The following PLXNA4 variants were observed in gnomAD, a reference collection of about 807,000 sequenced individuals.
PLXNA4 encodes plexin-A4.
In PLXNA4, 44 loss-of-function variants were observed where a neutral mutation model predicts 191.8. That is an observed-to-expected ratio of 0.23 (90% CI 0.18 to 0.29). The LOEUF (loss-of-function observed/expected upper bound fraction) is 0.29, where lower values mean the gene tolerates loss of function less well. Ranked by LOEUF, PLXNA4 falls within the 10% of genes least tolerant of loss-of-function variation. PLXNA4 has a pLI of 1.00. For missense variants in PLXNA4, 1,800 were observed against 2,488.8 expected, an observed-to-expected ratio of 0.72 and a Z score of 5.89; for synonymous variants, 1,082 against 1,009.5, an observed-to-expected ratio of 1.07 and a Z score of -1.36.
At chr7:132,626,930 T>C (rs1020881764) in intron 2 of PLXNA4, among the ~76,000 whole-genome samples, 5 of 152,150 alleles carry the variant, frequency 3.3e-5, no homozygotes, top group African/African-American at 1.2e-4. Flanking sequence ...CTTTCACAGA[T>C]GTTGATCCCA....
chr7:132,206,036 A>G (rs1188820204), intron 10 of PLXNA4, among the ~76,000 whole-genome samples: 1 of 76,626 alleles, frequency 1.3e-5, no homozygotes, highest in East Asian at 4.2e-4. Context: ...CTGTATGTCC[A>G]TAAGTGCACA....
intron 3 of PLXNA4, among the ~76,000 whole-genome samples, chr7:132,413,575 A>G (rs1437850704): frequency 6.6e-6 from 1 of 152,194 alleles, no homozygotes; most frequent in Non-Finnish European, 1.5e-5. Flanking sequence ...GCAAAACACA[A>G]TGGAAAACAC....
At chr7:132,187,694 C>A in intron 14 of PLXNA4, 87 bp from the exon 15 acceptor site, 1 of 1,481,074 alleles carries the variant, frequency 6.8e-7, no homozygotes, top group Non-Finnish European at 8.9e-7. Context: ...CCCACTCCCC[C>A]AAGCTGCCTT....
intron 1 of PLXNA4, among the ~76,000 whole-genome samples, chr7:132,534,451 C>T (rs767016158): frequency 3.3e-5 from 5 of 152,152 alleles, no homozygotes; most frequent in East Asian, 1.9e-4. Flanking sequence ...CCTACCCTGG[C>T]GTCCACATAT....
At chr7:132,365,930 T>A (rs532085765) in intron 3 of PLXNA4, 4 of 152,094 alleles carry the variant, frequency 2.6e-5, no homozygotes, top group African/African-American at 9.7e-5. Flanking sequence ...TCAGGGAGCT[T>A]GGGGACTCCT....
At chr7:132,359,359 C>T (rs565014535) in intron 3 of PLXNA4, among the ~76,000 whole-genome samples, 4 of 151,900 alleles carry the variant, frequency 2.6e-5, no homozygotes, top group South Asian at 4.2e-4. Flanking sequence ...GAGCTGGAAC[C>T]ACAGGTGCAT....
chr7:132,601,228 C>T (rs529827124), intron 2 of PLXNA4, among the ~76,000 whole-genome samples: 3 of 151,806 alleles, frequency 2.0e-5, no homozygotes, highest in Admixed American at 6.6e-5. Flanking sequence ...TAAAAAAATA[C>T]ATATCTATTT....
At chr7:132,553,123 C>T (rs554095351) in intron 1 of PLXNA4, among the ~76,000 whole-genome samples, 2 of 152,318 alleles carry the variant, frequency 1.3e-5, no homozygotes, top group African/African-American at 4.8e-5. Flanking sequence ...ATGCCTAGCT[C>T]TGGCACGGCA....
At chr7:132,642,159 T>C (rs1803756901) in intron 2 of PLXNA4, among the ~76,000 whole-genome samples, 2 of 152,298 alleles carry the variant, frequency 1.3e-5, no homozygotes, top group South Asian at 4.1e-4. Context: ...TGTTCTAATT[T>C]CTTTCTTTAA....
Position 132,472,468 on chromosome 7 carries a change from C to G in PLXNA4, c.1371+16824G>C, listed in dbSNP as rs151088356. 4.7e-4 allele frequency among the ~76,000 whole-genome samples: 72 copies of G among 152,310 alleles called. 1 individual carries two copies. In the East Asian group the frequency reaches 0.012, roughly 24 times the overall value. ...ATCTTTAGAACAAGGAAACTGGGAGCTGAAAAGAGAGAGGTAAGAATTTCA... is the reference window on the plus strand; with the variant it reads ...ATCTTTAGAACAAGGAAACTGGGAGGTGAAAAGAGAGAGGTAAGAATTTCA... On this transcript the variant is annotated intron_variant, in intron 3 of 31. Coordinates refer to ENST00000321063, the MANE Select transcript of PLXNA4 (RefSeq NM_020911.2).
chr7:132,446,604 C>T (rs1795920789), intron 3 of PLXNA4, among the ~76,000 whole-genome samples: 1 of 152,190 alleles, frequency 6.6e-6, no homozygotes, highest in Admixed American at 6.5e-5. Context: ...CTTTATAAAC[C>T]AGACACTAAG....
chr7:132,428,450 G>T (rs779227256), intron 3 of PLXNA4, among the ~76,000 whole-genome samples: 1 of 152,210 alleles, frequency 6.6e-6, no homozygotes, highest in Admixed American at 6.5e-5. Context: ...CCCTGTTGGC[G>T]CCTGGTGCAA....
rs779851397 is a variant in PLXNA4, at chr7:132,223,486, A to T, written c.2097+41T>A. The T allele has an allele frequency of 1.7e-5, 23 of 1,365,214 alleles. No homozygotes were observed. In the East Asian group the frequency reaches 5.3e-4, roughly 32 times the overall value. The allele number at this position is 1,365,214 out of a possible 1,614,324, so 84.6% of individuals were successfully genotyped here. A position where few individuals can be genotyped will look rare whatever the true frequency, so the allele number is the denominator to read the frequency against. On this transcript the variant is annotated intron_variant, in intron 9 of 31. Transcript: ENST00000321063. ...TGCCTCTCTTCTGTGTCCCATGCTC[A>T]CAACAAGAGACACTCACCACTCTGG...
In PLXNA4 at chr7:132,511,309, C is replaced by T. The variant is rs12539125; in HGVS notation, c.-86-2530G>A. 5.1e-3 allele frequency among the ~76,000 whole-genome samples: 773 copies of T among 152,284 alleles called. 3 individuals carry two copies. Among genetic ancestry groups the T allele is most frequent in the Middle Eastern group, 0.041 (12 of 294 alleles). ...CTTATTCCTATTTCAGGTGAGGAAA[C>T]TTTAGCTCTGCAAGGACACTGGTTA... On this transcript the variant is annotated intron_variant, in intron 1 of 31. Coordinates refer to ENST00000321063, the MANE Select transcript of PLXNA4 (RefSeq NM_020911.2).
In PLXNA4 at chr7:132,198,552, C is replaced by A; in HGVS notation, c.2671G>T (p.Ala891Ser). 6.2e-7 allele frequency: 1 copy of A among 1,614,200 alleles called. No homozygotes were observed. Among genetic ancestry groups the A allele is most frequent in the Non-Finnish European group, 8.5e-7 (1 of 1,180,034 alleles). ...ACGCCAGCAACCTTGACATGGGAGG[C>A]GATGTCGCGAAATTCCAGGCCCAGG... ...ENLGLEFRDI[A>S]SHVKVAGVEC... The change falls in exon 13 of 32, where the codon GCC becomes TCC. Residue 891 changes from alanine to serine, a missense_variant. By Grantham distance (99) the Ala-to-Ser change is moderately conservative (BLOSUM62 1). Coordinates refer to ENST00000321063, the MANE Select transcript of PLXNA4 (RefSeq NM_020911.2).
upstream of PLXNA4, among the ~76,000 whole-genome samples, chr7:132,577,864 G>C (rs1367339124): frequency 2.0e-5 from 3 of 152,120 alleles, no homozygotes; most frequent in Admixed American, 6.5e-5. Flanking sequence ...ACCCCACCAA[G>C]TCACCCCCAC....
chr7:132,594,945 AG>A (rs1485764958), intron 2 of PLXNA4, among the ~76,000 whole-genome samples: 8 of 147,420 alleles, frequency 5.4e-5, no homozygotes, highest in African/African-American at 2.0e-4. Context: ...ATAGATAGAT[AG>A]ATAGATAGAT....
intron 23 of PLXNA4, among the ~76,000 whole-genome samples, chr7:132,164,735 T>C (rs1252953195): frequency 6.6e-6 from 1 of 152,258 alleles, no homozygotes; most frequent in African/African-American, 2.4e-5. Flanking sequence ...TTGGCTTATC[T>C]GCCGCAACAT....
At chr7:132,440,788 T>C (rs900961466) in intron 3 of PLXNA4, among the ~76,000 whole-genome samples, 3 of 152,110 alleles carry the variant, frequency 2.0e-5, no homozygotes, top group Admixed American at 6.5e-5. Flanking sequence ...ACAAGTAAAA[T>C]GTTTTTAAAA....
Sources: allele counts gnomAD v4.1 joint callset (sites outside exome capture counted in the v4.1 genomes callset), GRCh38; gene constraint gnomAD v4.1.1; transcripts MANE v1.5; gene names NCBI Gene and HGNC (gene_info 2026-07-23, HGNC 2026-07-21).